Variants in PCDHA5 observed in about 807,000 individuals in gnomAD.
PCDHA5 encodes protocadherin alpha 5.
Under a neutral mutation model 61.6 loss-of-function variants are expected in PCDHA5, and 43 were observed. The observed-to-expected ratio is 0.70, with a 90% CI of 0.55 to 0.90. PCDHA5 has a LOEUF of 0.90. Among genes scored for constraint, PCDHA5 ranks in the 40% least tolerant of loss-of-function variants. The pLI is 0.00. For synonymous variants in PCDHA5, 627 were observed against 543.9 expected, an observed-to-expected ratio of 1.15 and a Z score of -2.13; for missense variants, 1,298 against 1,222.7, an observed-to-expected ratio of 1.06 and a Z score of -0.92.
chr5:140,926,702 G>C (rs2083474783), intron 1 of PCDHA5: 1 of 832,476 alleles, frequency 1.2e-6, no homozygotes, highest in South Asian at 2.8e-5. Context: ...CCGGCTCCCA[G>C]CTGGCCAGCC....
intron 1 of PCDHA5, chr5:140,849,824 G>C: frequency 6.3e-7 from 1 of 1,598,646 alleles, no homozygotes; most frequent in East Asian, 2.2e-5. Context: ...GGGTGTCTGT[G>C]GAGGTGGCCG....
chr5:140,974,782 C>T (rs1211935245), intron 1 of PCDHA5, among the ~76,000 whole-genome samples: 11 of 152,150 alleles, frequency 7.2e-5, no homozygotes, highest in African/African-American at 2.7e-4. Context: ...GCCACTGCGC[C>T]CAGCCCTCAT....
At chr5:140,995,946 C>A (rs2097705145) in intron 3 of PCDHA5, among the ~76,000 whole-genome samples, 1 of 152,192 alleles carries the variant, frequency 6.6e-6, no homozygotes, top group South Asian at 2.1e-4. Flanking sequence ...TGACATAATG[C>A]ACGCAAAATG....
intron 1 of PCDHA5, chr5:140,842,928 G>A (rs2150347921): frequency 6.3e-7 from 1 of 1,594,252 alleles, no homozygotes; most frequent in Admixed American, 1.7e-5. Flanking sequence ...TTCCAGGTGA[G>A]CGCGCGCGAC....
chr5:140,937,322 C>T (rs2091472402), intron 1 of PCDHA5, among the ~76,000 whole-genome samples: 1 of 152,084 alleles, frequency 6.6e-6, no homozygotes, highest in Non-Finnish European at 1.5e-5. Context: ...CAGGCGTGAG[C>T]CACCGCGCCC....
In PCDHA5 at chr5:140,823,487, G is replaced by C. The variant is rs150930880; in HGVS notation, c.1712G>C (p.Gly571Ala). The C allele has an allele frequency of 9.5e-5, 154 of 1,613,262 alleles. No homozygotes were observed. In the African/African-American group the frequency reaches 1.7e-3, roughly 18 times the overall value. Residue 571 changes from glycine (G) to alanine (A), a missense_variant, in exon 1 of 4, where the codon GGC (glycine) becomes GCC (alanine). Physicochemically the swap from Gly to Ala is moderately conservative, Grantham distance 60. Transcript: ENST00000529859. ...APALLVPRVGGTGGAVSELVP... is the reference protein window; with the variant it reads ...APALLVPRVGATGGAVSELVP... ...GCGCTGCTGGTGCCTCGAGTGGGTG[G>C]CACCGGCGGCGCAGTGAGCGAGCTG...
chr5:140,970,912 T>C (rs1035265875), intron 1 of PCDHA5, among the ~76,000 whole-genome samples: 3 of 152,212 alleles, frequency 2.0e-5, no homozygotes, highest in Non-Finnish European at 2.9e-5. Flanking sequence ...TTTATTCATT[T>C]ATCAGAAGTG....
At chr5:140,993,460 TCTCACA>T (rs782519654) in intron 3 of PCDHA5, among the ~76,000 whole-genome samples, 239 of 104,566 alleles carry the variant, frequency 2.3e-3, no homozygotes, top group Admixed American at 6.0e-3. Context: ...CTTCTTTCTT[TCTCACA>T]CACACACACA....
chr5:140,951,662 G>A (rs1246504133), intron 1 of PCDHA5, among the ~76,000 whole-genome samples: 1 of 152,150 alleles, frequency 6.6e-6, no homozygotes, highest in African/African-American at 2.4e-5. Context: ...ACCAGGGCCT[G>A]CCTACAAAAT....
In PCDHA5 at chr5:140,853,126, G is replaced by A. The variant is rs182768558; in HGVS notation, c.2352+28999G>A. 8.6e-5 allele frequency: 48 copies of A among 560,326 alleles called. 1 individual carries two copies. In the East Asian group the frequency reaches 5.9e-3, roughly 68 times the overall value. The allele number at this position is 560,326 out of a possible 1,614,324, so 34.7% of individuals were successfully genotyped here. On this transcript the variant is annotated intron_variant, in intron 1 of 3. Coordinates refer to ENST00000529859, the MANE Select transcript of PCDHA5 (RefSeq NM_018908.3). ...GATCTCCTGACCTCATGATCCTCCC[G>A]CCTCAGCCTCCCAAAATGCTGGGAT...
chr5:140,876,827 C>G, intron 1 of PCDHA5: 1 of 1,614,182 alleles, frequency 6.2e-7, no homozygotes, highest in Non-Finnish European at 8.5e-7. Flanking sequence ...AACGACAATG[C>G]GCCTGCGTTC....
chr5:141,000,421 ATT>A (rs34755515), intron 3 of PCDHA5, among the ~76,000 whole-genome samples: 627 of 27,724 alleles, frequency 0.023, 1 homozygote, highest in Middle Eastern at 0.071. Context: ...ATATATATAT[ATT>A]TTTTTTTTTT....
intron 1 of PCDHA5, among the ~76,000 whole-genome samples, chr5:140,947,506 A>C (rs1034178009): frequency 6.6e-6 from 1 of 151,700 alleles, no homozygotes; most frequent in Non-Finnish European, 1.5e-5. Flanking sequence ...TTAAATTTTC[A>C]TATAAATTTT....
rs1424860955 is a variant in PCDHA5, at chr5:140,855,923, A to G, written c.2352+31796A>G. 3.3e-6 allele frequency: 4 copies of G among 1,229,030 alleles called. No individual in the cohort carries two copies. In the East Asian group the frequency reaches 9.4e-5, roughly 29 times the overall value. The allele number at this position is 1,229,030 out of a possible 1,614,324, so 76.1% of individuals were successfully genotyped here. ...GCCAGTTTCTCAAGGACTAGGAAGT[A>G]GCGTCATTCTGAGATCTCAGCCATT... On this transcript the variant is annotated intron_variant, in intron 1 of 3. Transcript: ENST00000529859.
intron 1 of PCDHA5, among the ~76,000 whole-genome samples, chr5:140,952,925 G>T (rs144855694): frequency 8.2e-4 from 125 of 152,200 alleles, no homozygotes; most frequent in African/African-American, 2.8e-3. Flanking sequence ...GGCATGAGCA[G>T]GAGCAGGAGC....
intron 1 of PCDHA5, among the ~76,000 whole-genome samples, chr5:140,961,654 T>G (rs1554225528): frequency 6.6e-6 from 1 of 152,194 alleles, no homozygotes; most frequent in East Asian, 1.9e-4. Context: ...TGTGGTTAGT[T>G]TGAAGTTACC....
chr5:140,877,493 A>C, intron 1 of PCDHA5: 1 of 1,613,856 alleles, frequency 6.2e-7, no homozygotes, highest in African/African-American at 1.3e-5. Flanking sequence ...GAGAACGGCC[A>C]GGCCCCAAAG....
At chr5:140,929,189 A>G (rs782622519) in intron 1 of PCDHA5, 62 of 1,614,180 alleles carry the variant, frequency 3.8e-5, no homozygotes, top group Non-Finnish European at 4.7e-5. Flanking sequence ...GGTTCTGATA[A>G]TAACAGTTTG....
chr5:140,860,841 T>C (rs251367), intron 1 of PCDHA5: 102,021 of 152,038 alleles, frequency 0.67, 34,407 homozygotes, highest in Middle Eastern at 0.71. Context: ...AGGTTCACGC[T>C]ATTCTCCTGC....
Sources: allele counts gnomAD v4.1 joint callset (sites outside exome capture counted in the v4.1 genomes callset), GRCh38; gene constraint gnomAD v4.1.1; transcripts MANE v1.5; gene names NCBI Gene and HGNC (gene_info 2026-07-23, HGNC 2026-07-21).